The following DPP10 variants were observed in gnomAD, a reference collection of about 807,000 sequenced individuals.
The protein encoded by DPP10 is inactive dipeptidyl peptidase 10.
DPP10 carries 33 observed loss-of-function variants against 120.9 expected under a neutral mutation model. That is an observed-to-expected ratio of 0.27 (90% confidence interval 0.21 to 0.37). DPP10 has a LOEUF of 0.37. Ranked by LOEUF, DPP10 falls within the 10% of genes least tolerant of loss-of-function variation. The pLI is 1.00. For synonymous variants in DPP10, 337 were observed against 326.1 expected (o/e 1.03, Z -0.36); for missense variants, 816 against 942.8 (o/e 0.87, Z 1.76).
chr2:115,067,861 C>CAAAAAAAAAA (rs201964006), intron 1 of DPP10, among the ~76,000 whole-genome samples: 40 of 86,462 alleles, frequency 4.6e-4, no homozygotes, highest in East Asian at 1.0e-3. Flanking sequence ...GACTCTGTCT[C>CAAAAAAAAAA]AAAAAAAAAA....
intron 5 of DPP10, among the ~76,000 whole-genome samples, chr2:115,554,383 C>A (rs2080078302): frequency 6.6e-6 from 1 of 151,616 alleles, no homozygotes; most frequent in Non-Finnish European, 1.5e-5. Context: ...CTGAGGACAC[C>A]AGCAGCAATG....
At chr2:115,702,042 TAATACCATTTACTAGTGAG>T (rs1173538934) in intron 7 of DPP10, among the ~76,000 whole-genome samples, 3 of 152,072 alleles carry the variant, frequency 2.0e-5, no homozygotes, top group Non-Finnish European at 2.9e-5. Flanking sequence ...TTAAGTTTGA[TAATACCATTTACTAGTGAG>T]AATACCATTT....
At chr2:114,977,195 C>T (rs928078781) in intron 1 of DPP10, among the ~76,000 whole-genome samples, 16 of 151,910 alleles carry the variant, frequency 1.1e-4, no homozygotes, top group Non-Finnish European at 1.9e-4. Flanking sequence ...GTGCAATTGT[C>T]TCTGTTGTTT....
rs191860548 is a variant in DPP10 at position 115,128,499 on chromosome 2, T to C, written c.61-180740T>C. Among the ~76,000 whole-genome samples, 205 of 152,316 alleles carry C rather than the reference T, an allele frequency of 1.3e-3. 2 individuals carry two copies. The highest frequency in any genetic ancestry group is 4.6e-3 in the African/African-American group (193 of 41,572). ...TCTGAGGAGCACTAAGACCCTGAGA[T>C]ATTGATAGTTTTTGTGATATAAAAA... On this transcript the variant is annotated intron_variant, in intron 1 of 25. Coordinates refer to ENST00000410059, the MANE Select transcript of DPP10 (RefSeq NM_020868.6).
intron 1 of DPP10, among the ~76,000 whole-genome samples, chr2:114,685,236 G>A (rs570227054): frequency 6.6e-6 from 1 of 151,916 alleles, no homozygotes; most frequent in East Asian, 1.9e-4. Flanking sequence ...CAACTTGTGT[G>A]TTAATTTCCT....
At chr2:115,522,927 C>A (rs1340924079) in intron 4 of DPP10, among the ~76,000 whole-genome samples, 1 of 152,104 alleles carries the variant, frequency 6.6e-6, no homozygotes, top group Non-Finnish European at 1.5e-5. Context: ...AAGATGTCTC[C>A]TGTGGCTGAA....
intron 5 of DPP10, among the ~76,000 whole-genome samples, chr2:115,625,093 T>TAAA (rs11377783): frequency 2.7e-5 from 4 of 149,752 alleles, no homozygotes; most frequent in African/African-American, 7.3e-5. Flanking sequence ...TGCTATTTAA[T>TAAA]AAAAAAAAAA....
At chr2:115,011,500 C>T (rs11688222) in intron 1 of DPP10, among the ~76,000 whole-genome samples, 60,296 of 151,996 alleles carry the variant, frequency 0.4, 12,132 homozygotes, top group South Asian at 0.54. Flanking sequence ...ACCCTTTTAA[C>T]CCATGGTAAT....
At chr2:115,785,233 C>A (rs1380947962) in intron 17 of DPP10, among the ~76,000 whole-genome samples, 1 of 152,166 alleles carries the variant, frequency 6.6e-6, no homozygotes, top group Non-Finnish European at 1.5e-5. Context: ...TGGCTGTGAC[C>A]TTTGGCTGAA....
At chr2:115,079,378 A>AAAAAGAAAAAAAG (rs1267566297) in intron 1 of DPP10, among the ~76,000 whole-genome samples, 3 of 151,802 alleles carry the variant, frequency 2.0e-5, no homozygotes, top group African/African-American at 7.3e-5. Context: ...AAAACAAAAA[A>AAAAAGAAAAAAAG]AAAGAAAAAA....
chr2:115,357,760 C>T lies in DPP10; in HGVS notation c.271+13848C>T, dbSNP rs560578533. Among the ~76,000 whole-genome samples, 236 of 152,274 alleles carry T rather than the reference C, an allele frequency of 1.5e-3. 1 individual carries two copies. The highest frequency in any genetic ancestry group is 5.3e-3 in the African/African-American group (221 of 41,572). On this transcript the variant is annotated intron_variant, in intron 3 of 25. Coordinates refer to ENST00000410059, the MANE Select transcript of DPP10 (RefSeq NM_020868.6). ...TCCACCCCTGCAGCAAACTTCTGCC[C>T]GGACATCTAGGCATTTCCATACATC...
At chr2:115,768,513 T>A in intron 13 of DPP10, 109 bp downstream of exon 13, 1 of 839,308 alleles carries the variant, frequency 1.2e-6, no homozygotes, top group African/African-American at 1.7e-5. Flanking sequence ...AACCCAGCCA[T>A]ATATACAACT....
intron 5 of DPP10, among the ~76,000 whole-genome samples, chr2:115,541,497 C>A (rs1361360775): frequency 7.4e-5 from 11 of 149,160 alleles, no homozygotes; most frequent in African/African-American, 2.5e-5. Flanking sequence ...TGTGTGTGTG[C>A]GAGAGAGAGA....
intron 1 of DPP10, among the ~76,000 whole-genome samples, chr2:114,542,061 T>TG (rs1687003161): frequency 6.8e-6 from 1 of 147,834 alleles, no homozygotes; most frequent in Non-Finnish European, 1.5e-5. Flanking sequence ...TTTTTTTTTT[T>TG]TTTTGAGATG....
In DPP10 at chr2:115,791,315, A is replaced by G; in HGVS notation, c.1659A>G (p.Lys553=). The G allele has an allele frequency of 1.2e-6, 2 of 1,611,938 alleles. No individual in the cohort carries two copies. The highest frequency in any genetic ancestry group is 2.2e-5 in the South Asian group (2 of 90,308). The change falls in exon 19 of 26, where the codon AAA becomes AAG. Residue 553 remains lysine, a synonymous_variant. Coordinates refer to ENST00000410059, the MANE Select transcript of DPP10 (RefSeq NM_020868.6). Reference sequence around the variant, plus strand: ...TTCCTTTACAGTTGTCCCTTCCCAAAGATTTTATGGACCGAAACCAGTATG... The same window carrying G: ...TTCCTTTACAGTTGTCCCTTCCCAAGGATTTTATGGACCGAAACCAGTATG... ...YELPLQLSLP[K]DFMDRNQYAL... is the part of the protein sequence containing the mutation.
intron 12 of DPP10, among the ~76,000 whole-genome samples, chr2:115,765,175 GCCC>G (rs1680570355): frequency 6.6e-6 from 1 of 152,050 alleles, no homozygotes; most frequent in Non-Finnish European, 1.5e-5. Flanking sequence ...TGAGATTGTA[GCCC>G]CCATCTATTC....
chr2:114,827,467 G>C (rs968794975), intron 1 of DPP10, among the ~76,000 whole-genome samples: 5 of 152,092 alleles, frequency 3.3e-5, no homozygotes, highest in African/African-American at 1.2e-4. Context: ...CACAACTGCA[G>C]CTTAGTATCT....
chr2:115,510,800 T>C (rs1206527050), intron 4 of DPP10, among the ~76,000 whole-genome samples: 1 of 152,188 alleles, frequency 6.6e-6, no homozygotes, highest in Admixed American at 6.5e-5. Context: ...TATTTAGATA[T>C]TATTCAGTTT....
At chr2:115,522,322 G>A (rs1294867931) in intron 4 of DPP10, among the ~76,000 whole-genome samples, 2 of 152,060 alleles carry the variant, frequency 1.3e-5, no homozygotes, top group African/African-American at 2.4e-5. Flanking sequence ...AGTGACTAAC[G>A]AGGTTCATGA....
Sources: allele counts gnomAD v4.1 joint callset (sites outside exome capture counted in the v4.1 genomes callset), GRCh38; gene constraint gnomAD v4.1.1; transcripts MANE v1.5; gene names NCBI Gene and HGNC (gene_info 2026-07-23, HGNC 2026-07-21).